The following RAB38 variants were observed in gnomAD, a reference collection of about 807,000 sequenced individuals.
RAB38 encodes the protein RAB38, member RAS oncogene family, also known as ras-related protein Rab-38.
Under a neutral mutation model 18.4 loss-of-function variants are expected in RAB38, and 15 were observed. That is an observed-to-expected ratio of 0.82 (90% CI 0.55 to 1.26). The LOEUF is 1.26. RAB38 is among the 50% of genes most tolerant of loss of function. The pLI, the probability that RAB38 is intolerant of heterozygous loss-of-function variation, is 0.00. For missense variants in RAB38, 294 were observed against 267.4 expected (o/e 1.10, Z -0.69); for synonymous variants, 101 against 104.4 (o/e 0.97, Z 0.20).
chr11:88,063,097 C>T, the RAB38 span, among the ~76,000 whole-genome samples: 1 of 152,038 alleles, frequency 6.6e-6, no homozygotes, highest in Non-Finnish European at 1.5e-5. Context: ...CTAAAGGTGA[C>T]ACCACTTATA....
chr11:88,173,161 T>C (rs1374104849), intron 1 of RAB38, among the ~76,000 whole-genome samples: 5 of 152,214 alleles, frequency 3.3e-5, no homozygotes, highest in African/African-American at 4.8e-5. Context: ...GGACAAAATA[T>C]ATATGTAATA....
At chr11:87,819,278 G>C in the RAB38 span, among the ~76,000 whole-genome samples, 16 of 152,242 alleles carry the variant, frequency 1.1e-4, no homozygotes, top group African/African-American at 3.4e-4. Flanking sequence ...TCTGTGGAGA[G>C]AGTTTTTACT....
the RAB38 span, among the ~76,000 whole-genome samples, chr11:87,825,404 G>A: frequency 2.6e-5 from 4 of 152,032 alleles, no homozygotes; most frequent in Non-Finnish European, 5.9e-5. Flanking sequence ...GAGGTGGGAA[G>A]TCCTTAAGGT....
the RAB38 span, among the ~76,000 whole-genome samples, chr11:87,954,488 A>T: frequency 1.3e-5 from 2 of 152,202 alleles, no homozygotes; most frequent in South Asian, 4.1e-4. Flanking sequence ...AAGATTTTCT[A>T]CATATTCAAG....
chr11:88,030,492 A>T, the RAB38 span, among the ~76,000 whole-genome samples: 64 of 152,318 alleles, frequency 4.2e-4, no homozygotes, highest in African/African-American at 1.4e-3. Context: ...CAAGACTAAT[A>T]AAGAAAAAAA....
At chr11:87,883,230 C>G in the RAB38 span, among the ~76,000 whole-genome samples, 1 of 151,910 alleles carries the variant, frequency 6.6e-6, no homozygotes, top group Non-Finnish European at 1.5e-5. Context: ...ACCACTACAG[C>G]AAGCCAACTG....
At chr11:87,948,682 A>T in the RAB38 span, among the ~76,000 whole-genome samples, 1 of 133,150 alleles carries the variant, frequency 7.5e-6, no homozygotes, top group Non-Finnish European at 1.6e-5. Context: ...GGTTCTGTTT[A>T]TATGCTGGAT....
the RAB38 span, among the ~76,000 whole-genome samples, chr11:87,822,731 T>G: frequency 6.6e-6 from 1 of 152,196 alleles, no homozygotes; most frequent in Non-Finnish European, 1.5e-5. Flanking sequence ...GTGAGTCAGT[T>G]TAAGTCCAGT....
At chr11:88,087,901 A>C in the RAB38 span, among the ~76,000 whole-genome samples, 1 of 152,010 alleles carries the variant, frequency 6.6e-6, no homozygotes, top group Non-Finnish European at 1.5e-5. Flanking sequence ...ACTAGAAAAA[A>C]GTCCTTATGG....
the RAB38 span, among the ~76,000 whole-genome samples, chr11:87,947,894 T>A: frequency 4.6e-5 from 7 of 152,194 alleles, no homozygotes; most frequent in East Asian, 1.9e-4. Context: ...TTTGGTTCCA[T>A]ATGAACTCTA....
chr11:88,077,041 CAAGA>C, the RAB38 span, among the ~76,000 whole-genome samples: 24 of 115,502 alleles, frequency 2.1e-4, no homozygotes, highest in African/African-American at 5.7e-4. Context: ...AGAAAGCAAG[CAAGA>C]AAAGAAAAAG....
At chr11:87,837,626 C>G in the RAB38 span, among the ~76,000 whole-genome samples, 2 of 152,144 alleles carry the variant, frequency 1.3e-5, no homozygotes, top group African/African-American at 4.8e-5. Flanking sequence ...TATTATCACT[C>G]AGTCTTCACA....
chr11:87,882,167 A>T, the RAB38 span, among the ~76,000 whole-genome samples: 1 of 151,836 alleles, frequency 6.6e-6, no homozygotes, highest in African/African-American at 2.4e-5. Context: ...TATATCCTTG[A>T]TTGCCTCTGG....
the RAB38 span, among the ~76,000 whole-genome samples, chr11:87,821,473 A>G: frequency 6.6e-6 from 1 of 152,250 alleles, no homozygotes; most frequent in African/African-American, 2.4e-5. Context: ...TTAAGGCAGA[A>G]GAAAATTCTT....
At chr11:87,847,776 A>C in the RAB38 span, among the ~76,000 whole-genome samples, 2 of 152,116 alleles carry the variant, frequency 1.3e-5, no homozygotes, top group African/African-American at 2.4e-5. Context: ...AAGCGGGAGA[A>C]AGGAAGAATC....
At chr11:88,081,618 C>G in the RAB38 span, among the ~76,000 whole-genome samples, 2 of 152,010 alleles carry the variant, frequency 1.3e-5, no homozygotes, top group East Asian at 1.9e-4. Flanking sequence ...ATAGCCTTCT[C>G]CCCTCTGTGT....
At chr11:87,927,819 C>T in the RAB38 span, among the ~76,000 whole-genome samples, 1 of 152,004 alleles carries the variant, frequency 6.6e-6, no homozygotes, top group South Asian at 2.1e-4. Flanking sequence ...ATAATCCCAG[C>T]ACTTTAGGAG....
At chr11:88,074,287 A>G in the RAB38 span, among the ~76,000 whole-genome samples, 1 of 152,186 alleles carries the variant, frequency 6.6e-6, no homozygotes, top group East Asian at 1.9e-4. Context: ...CCATAACTCT[A>G]CTGTGAAACC....
the RAB38 span, among the ~76,000 whole-genome samples, chr11:88,053,118 A>AAT: frequency 8.0e-6 from 1 of 124,390 alleles, no homozygotes; most frequent in African/African-American, 3.0e-5. Flanking sequence ...ATATATATGG[A>AAT]ATATATATAT....
Sources: allele counts gnomAD v4.1 joint callset (sites outside exome capture counted in the v4.1 genomes callset), GRCh38; gene constraint gnomAD v4.1.1; transcripts MANE v1.5; gene names NCBI Gene and HGNC (gene_info 2026-07-23, HGNC 2026-07-21).